The following HMGCLL1 variants were observed in gnomAD, a reference collection of about 807,000 sequenced individuals.
HMGCLL1 encodes the protein 3-hydroxy-3-methylglutaryl-CoA lyase like 1.
Under a neutral mutation model 39.1 loss-of-function variants are expected in HMGCLL1, and 36 were observed. That is an observed-to-expected ratio of 0.92 (90% CI 0.71 to 1.22). The LOEUF (loss-of-function observed/expected upper bound fraction) is 1.22. Ranked by LOEUF, HMGCLL1 falls within the 50% of genes most tolerant of loss-of-function variation. HMGCLL1 has a pLI of 0.00. For missense variants in HMGCLL1, 451 were observed against 416.5 expected (o/e 1.08, Z -0.72); for synonymous variants, 149 against 144.0 (o/e 1.03, Z -0.25).
chr6:55,634,226 T>C, the HMGCLL1 span, among the ~76,000 whole-genome samples: 3 of 152,070 alleles, frequency 2.0e-5, no homozygotes, highest in African/African-American at 7.2e-5. Context: ...CAGATATTAA[T>C]AAAATTGATA....
chr6:55,591,573 C>T, the HMGCLL1 span, among the ~76,000 whole-genome samples: 1 of 151,220 alleles, frequency 6.6e-6, no homozygotes, highest in South Asian at 2.1e-4. Context: ...TTTCCTTTCC[C>T]TTTTTTTCCC....
intron 2 of HMGCLL1, 28 bp downstream of exon 2, chr6:55,542,032 G>C: frequency 7.6e-7 from 1 of 1,317,106 alleles, no homozygotes; most frequent in Non-Finnish European, 1.1e-6. Flanking sequence ...TTTGTAGACA[G>C]CATTTGAAGT....
intron 5 of HMGCLL1, among the ~76,000 whole-genome samples, chr6:55,506,899 C>T (rs1767198998): frequency 6.6e-6 from 1 of 151,672 alleles, no homozygotes; most frequent in Non-Finnish European, 1.5e-5. Flanking sequence ...TATAAAACTC[C>T]TATCAATAGA....
At chr6:55,576,703 G>T (rs1380615146) in intron 1 of HMGCLL1, among the ~76,000 whole-genome samples, 1 of 152,134 alleles carries the variant, frequency 6.6e-6, no homozygotes, top group African/African-American at 2.4e-5. Context: ...AATTCAAGAA[G>T]TAAAATTGCA....
intron 8 of HMGCLL1, among the ~76,000 whole-genome samples, chr6:55,438,804 T>G (rs1429611764): frequency 6.6e-6 from 1 of 152,148 alleles, no homozygotes; most frequent in East Asian, 1.9e-4. Context: ...TCTGTGATTT[T>G]TATTTTTTTC....
At chr6:55,552,402 A>G (rs571418654) in intron 1 of HMGCLL1, among the ~76,000 whole-genome samples, 2 of 152,142 alleles carry the variant, frequency 1.3e-5, no homozygotes, top group Admixed American at 1.3e-4. Flanking sequence ...CCAGGTAGAA[A>G]CTATTATCTA....
At chr6:55,621,544 G>T in the HMGCLL1 span, among the ~76,000 whole-genome samples, 1 of 151,736 alleles carries the variant, frequency 6.6e-6, no homozygotes, top group African/African-American at 2.4e-5. Flanking sequence ...AGCAATCTAG[G>T]TTGCGTGCTC....
At chr6:55,506,287 T>C (rs907055905) in intron 5 of HMGCLL1, among the ~76,000 whole-genome samples, 1 of 151,718 alleles carries the variant, frequency 6.6e-6, no homozygotes, top group African/African-American at 2.4e-5. Flanking sequence ...TCTATTTGTC[T>C]TTCCACTCTA....
chr6:55,618,950 G>C, the HMGCLL1 span, among the ~76,000 whole-genome samples: 1 of 152,062 alleles, frequency 6.6e-6, no homozygotes, highest in African/African-American at 2.4e-5. Context: ...AGTGTTTACT[G>C]TTCATGCAAC....
chr6:55,617,976 AT>A, the HMGCLL1 span, among the ~76,000 whole-genome samples: 4 of 152,160 alleles, frequency 2.6e-5, no homozygotes, highest in African/African-American at 9.7e-5. Context: ...AGGAACGTGG[AT>A]TTTTATAACT....
the HMGCLL1 span, among the ~76,000 whole-genome samples, chr6:55,647,775 T>A: frequency 1.5e-3 from 220 of 145,904 alleles, no homozygotes; most frequent in Admixed American, 4.7e-3. Flanking sequence ...TTTTATTTTT[T>A]TTTTTTATTA....
intron 5 of HMGCLL1, among the ~76,000 whole-genome samples, chr6:55,506,629 C>T (rs1202102955): frequency 6.6e-6 from 1 of 151,652 alleles, no homozygotes; most frequent in East Asian, 1.9e-4. Flanking sequence ...CCAGCATATC[C>T]ATGCTGTAGA....
At chr6:55,601,576 T>C in the HMGCLL1 span, among the ~76,000 whole-genome samples, 1 of 152,132 alleles carries the variant, frequency 6.6e-6, no homozygotes. Context: ...GCAAAGGGCA[T>C]AAATATATAA....
intron 5 of HMGCLL1, among the ~76,000 whole-genome samples, chr6:55,510,826 C>A (rs1482495904): frequency 4.7e-5 from 7 of 150,230 alleles, no homozygotes; most frequent in African/African-American, 1.5e-4. Context: ...TACAAACCTG[C>A]TGACCTTGTA....
chr6:55,592,379 G>A, the HMGCLL1 span, among the ~76,000 whole-genome samples: 1 of 152,058 alleles, frequency 6.6e-6, no homozygotes, highest in Non-Finnish European at 1.5e-5. Flanking sequence ...AAGTTTAGAA[G>A]ATATGGATTT....
At chr6:55,445,229 A>C (rs553993686) in intron 7 of HMGCLL1, among the ~76,000 whole-genome samples, 1 of 151,958 alleles carries the variant, frequency 6.6e-6, no homozygotes, top group South Asian at 2.1e-4. Context: ...AGAAATAAAA[A>C]TTTTCTCAAT....
intron 1 of HMGCLL1, 21 bp downstream of exon 1, chr6:55,578,927 C>T (rs764471213): frequency 3.8e-6 from 6 of 1,586,810 alleles, no homozygotes; most frequent in South Asian, 3.4e-5. Context: ...GGTGGGGACA[C>T]CCTGGGCCGC....
the HMGCLL1 span, among the ~76,000 whole-genome samples, chr6:55,639,020 A>G: frequency 1.1e-3 from 164 of 152,240 alleles, 1 homozygote; most frequent in Middle Eastern, 0.01. Flanking sequence ...CAGACTAATT[A>G]TTTAGTTACT....
chr6:55,564,181 C>A lies in HMGCLL1; in HGVS notation c.108+14767G>T, dbSNP rs1222829218. 2.6e-5 allele frequency among the ~76,000 whole-genome samples: 4 copies of A among 152,002 alleles called. No homozygotes were observed. The East Asian group carries it at 7.7e-4, about 29-fold the overall frequency. ...ATGGGTGGGGTTGTGGGTATGAGGA[C>A]AACTGCCTTGTCATTATTTTTTTCA... is the stretch of plus-strand genomic sequence containing the variant. On this transcript the variant is annotated intron_variant, in intron 1 of 8. Transcript: ENST00000274901.
Sources: allele counts gnomAD v4.1 joint callset (sites outside exome capture counted in the v4.1 genomes callset), GRCh38; gene constraint gnomAD v4.1.1; transcripts MANE v1.5; gene names NCBI Gene and HGNC (gene_info 2026-07-23, HGNC 2026-07-21).